Variants in PICALM observed in about 807,000 individuals in gnomAD.
PICALM encodes the protein phosphatidylinositol-binding clathrin assembly protein.
Under a neutral mutation model 80.5 loss-of-function variants are expected in PICALM, and 40 were observed. The observed-to-expected ratio is 0.50, with a 90% confidence interval of 0.39 to 0.65. PICALM has a LOEUF of 0.65. Among genes scored for constraint, PICALM ranks in the 30% least tolerant of loss-of-function variants. The pLI, the probability that PICALM is intolerant of heterozygous loss-of-function variation, is 0.00. For missense variants in PICALM, 676 were observed against 778.9 expected, an observed-to-expected ratio of 0.87 and a Z score of 1.57; for synonymous variants, 288 against 260.3, an observed-to-expected ratio of 1.11 and a Z score of -1.02.
In PICALM at chr11:85,986,365, A is replaced by ATTTTTTTTTT. The variant is rs775072780; in HGVS notation, c.1409-2402_1409-2393dup. On this transcript the variant is annotated intron_variant, in intron 13 of 19. Transcript: ENST00000393346. ...AAACTATCAGGACTGCCAACTTTTA[A>ATTTTTTTTTT]TTTTTTTTTTTTTTTTTTTTTTTTT... Among the ~76,000 whole-genome samples, 173 of 73,748 alleles carry ATTTTTTTTTT rather than the reference A, an allele frequency of 2.3e-3. 29 individuals are homozygous for ATTTTTTTTTT. The highest frequency in any genetic ancestry group is 3.3e-3 in the East Asian group (6 of 1,800). The allele number at this position is 73,748 out of a possible 152,430, so 48.4% of individuals were successfully genotyped here. A position where few individuals can be genotyped will look rare whatever the true frequency, so the allele number is the denominator to read the frequency against.
intron 1 of PICALM, among the ~76,000 whole-genome samples, chr11:86,041,490 C>T (rs897479081): frequency 6.6e-6 from 1 of 152,080 alleles, no homozygotes; most frequent in Non-Finnish European, 1.5e-5. Context: ...GGACTGACAT[C>T]CTTTTTATTT....
Position 85,981,918 on chromosome 11 carries a change from C to T in PICALM, c.1602G>A (p.Lys534=). The T allele has an allele frequency of 6.2e-7, 1 of 1,613,810 alleles. No individual in the cohort carries two copies. Among genetic ancestry groups the T allele is most frequent in the Non-Finnish European group, 8.5e-7 (1 of 1,179,654 alleles). Reference sequence around the variant, plus strand: ...ATGAATCCAAGTCATCAGATACTAACTTGCTAGGTGGGAGTTTGGCAACAG... The same window carrying T: ...ATGAATCCAAGTCATCAGATACTAATTTGCTAGGTGGGAGTTTGGCAACAG... The part of the protein sequence containing the change: ...NLPVAKLPPS[K]LVSDDLDSSL... Residue 534 remains lysine, a synonymous_variant, in exon 15 of 20, where the codon AAG becomes AAA. Transcript: ENST00000393346.
intron 17 of PICALM, 91 bp downstream of exon 17, chr11:85,981,038 T>C: frequency 4.4e-6 from 3 of 689,448 alleles, no homozygotes; most frequent in Non-Finnish European, 7.8e-6. Context: ...ACAATCCTTC[T>C]ATTTATGTCT....
chr11:86,000,937 T>C (rs1425464447), intron 10 of PICALM, 98 bp downstream of exon 10: 4 of 1,496,016 alleles, frequency 2.7e-6, no homozygotes, highest in Non-Finnish European at 3.6e-6. Flanking sequence ...GCCCATTAGG[T>C]AGCTATACAT....
intron 1 of PICALM, among the ~76,000 whole-genome samples, chr11:86,053,955 A>G (rs979362348): frequency 6.6e-6 from 1 of 152,238 alleles, no homozygotes; most frequent in Non-Finnish European, 1.5e-5. Context: ...AAAAGTCACT[A>G]ATTAAATCAA....
intron 1 of PICALM, among the ~76,000 whole-genome samples, chr11:86,060,708 A>G (rs2096346155): frequency 6.6e-6 from 1 of 150,466 alleles, no homozygotes; most frequent in South Asian, 2.1e-4. Flanking sequence ...TTCAACAAAT[A>G]GTACTGCACA....
chr11:85,982,484 G>A (rs1294488268), intron 14 of PICALM, among the ~76,000 whole-genome samples: 1 of 132,536 alleles, frequency 7.5e-6, no homozygotes, highest in Non-Finnish European at 1.6e-5. Flanking sequence ...GCGGACTGCA[G>A]TGGCGCAATC....
intron 1 of PICALM, among the ~76,000 whole-genome samples, chr11:86,052,641 A>G (rs1240692041): frequency 1.3e-5 from 2 of 152,248 alleles, no homozygotes; most frequent in Non-Finnish European, 2.9e-5. Flanking sequence ...CCAGATCAGC[A>G]AAACTCCTTG....
intron 19 of PICALM, among the ~76,000 whole-genome samples, chr11:85,967,730 A>C (rs1314350450): frequency 6.6e-6 from 1 of 152,184 alleles, no homozygotes; most frequent in Non-Finnish European, 1.5e-5. Context: ...CAACAAAACC[A>C]AAAAACAAAA....
At chr11:86,049,491 G>C (rs1388544163) in intron 1 of PICALM, among the ~76,000 whole-genome samples, 1 of 152,032 alleles carries the variant, frequency 6.6e-6, no homozygotes, top group Non-Finnish European at 1.5e-5. Flanking sequence ...CCCCATGACA[G>C]CTCGCCTGAA....
Position 86,051,222 on chromosome 11 carries a change from G to A in PICALM, c.130+17429C>T, listed in dbSNP as rs571091196. Reference sequence around the variant, plus strand: ...GCCTACAACAAAAAAAGCTAAAGGAGCACAATTATAGCATCACAGAATAAC... The same window carrying A: ...GCCTACAACAAAAAAAGCTAAAGGAACACAATTATAGCATCACAGAATAAC... On this transcript the variant is annotated intron_variant, in intron 1 of 19. Coordinates refer to ENST00000393346, the MANE Select transcript of PICALM (RefSeq NM_007166.4). 3.3e-5 allele frequency among the ~76,000 whole-genome samples: 5 copies of A among 152,282 alleles called. No homozygotes were observed. The East Asian group carries it at 5.8e-4, about 18-fold the overall frequency.
chr11:86,001,550 AG>A (rs2095145428), intron 9 of PICALM, among the ~76,000 whole-genome samples: 1 of 152,336 alleles, frequency 6.6e-6, no homozygotes, highest in South Asian at 2.1e-4. Context: ...GCTAATTTAC[AG>A]CCTACGTTTC....
intron 11 of PICALM, among the ~76,000 whole-genome samples, chr11:85,999,034 C>T (rs922455177): frequency 6.6e-6 from 1 of 152,146 alleles, no homozygotes; most frequent in African/African-American, 2.4e-5. Context: ...TACATGCATA[C>T]CATGTAATTA....
intron 1 of PICALM, among the ~76,000 whole-genome samples, chr11:86,059,870 T>TA (rs58190208): frequency 0.14 from 19,348 of 138,664 alleles, 1,229 homozygotes; most frequent in Admixed American, 0.16. Context: ...AGTTTTGACA[T>TA]AAAAAAAAAA....
rs776617402 is a variant in PICALM, at chr11:85,996,862, T to C, written c.1222A>G (p.Met408Val). ...QPTFHPSVHP[M>V]STASQVASTW... ...CTTGCTACCTGAGAAGCAGTTGACA[T>C]AGGATGTACAGATGGGTGAAAAGTT... The change falls in exon 12 of 20, where the codon ATG (methionine) becomes GTG (valine). Residue 408 changes from methionine (M) to valine (V), a missense_variant. Met to Val is a conservative substitution (Grantham distance 21). This residue lies in a region of PICALM where 391 missense variants were observed against 383.6 expected (regional missense o/e 1.02). Coordinates refer to ENST00000393346, the MANE Select transcript of PICALM (RefSeq NM_007166.4). 1.2e-6 allele frequency: 2 copies of C among 1,612,114 alleles called. No homozygotes were observed. Among genetic ancestry groups the C allele is most frequent in the South Asian group, 1.1e-5 (1 of 90,956 alleles).
At chr11:85,985,625 A>C (rs1351738340) in intron 13 of PICALM, among the ~76,000 whole-genome samples, 1 of 151,772 alleles carries the variant, frequency 6.6e-6, no homozygotes, top group Non-Finnish European at 1.5e-5. Context: ...TAAGTGTGCA[A>C]GGTGTTTAAG....
At chr11:85,981,253 A>G in intron 16 of PICALM, 25 bp from the exon 17 acceptor site, 2 of 1,189,056 alleles carry the variant, frequency 1.7e-6, no homozygotes, top group Non-Finnish European at 2.5e-6. Flanking sequence ...AAGTGAGAAT[A>G]TTAAATGTCT....
chr11:86,042,042 T>C (rs957640357), intron 1 of PICALM, among the ~76,000 whole-genome samples: 1 of 152,204 alleles, frequency 6.6e-6, no homozygotes, highest in Admixed American at 6.5e-5. Flanking sequence ...GAGCTTTCCG[T>C]TGGCATTCTG....
intron 19 of PICALM, among the ~76,000 whole-genome samples, chr11:85,971,399 T>C (rs1207102788): frequency 6.6e-6 from 1 of 151,600 alleles, no homozygotes; most frequent in Non-Finnish European, 1.5e-5. Flanking sequence ...TGTGAAACGG[T>C]TATGTGGGTT....
Sources: allele counts gnomAD v4.1 joint callset (sites outside exome capture counted in the v4.1 genomes callset), GRCh38; gene constraint gnomAD v4.1.1; regional missense constraint gnomAD v4.1.1; transcripts MANE v1.5; gene names NCBI Gene and HGNC (gene_info 2026-07-23, HGNC 2026-07-21).